JPH2: variants seen among roughly 807,000 people sequenced by gnomAD.
The protein encoded by JPH2 is junctophilin-2.
In JPH2, 38 loss-of-function variants were observed where a neutral mutation model predicts 55.9. That is an observed-to-expected ratio of 0.68 (90% CI 0.52 to 0.89). The LOEUF is 0.89. Among genes scored for constraint, JPH2 ranks in the 40% least tolerant of loss-of-function variants. JPH2 has a pLI of 0.00. For missense variants in JPH2, 964 were observed against 1,037.6 expected (o/e 0.93, Z 0.97); for synonymous variants, 480 against 472.4 (o/e 1.02, Z -0.21).
At chr20:44,177,177 A>G (rs1331120101) in intron 1 of JPH2, 5 of 985,458 alleles carry the variant, frequency 5.1e-6, no homozygotes, top group Non-Finnish European at 6.0e-6. Context: ...CTGTGGCTTC[A>G]GCTCGGGAAG....
chr20:44,114,609 T>TGTGC (rs1491581575), intron 5 of JPH2, among the ~76,000 whole-genome samples, 173 bp downstream of exon 5: 102 of 144,166 alleles, frequency 7.1e-4, no homozygotes, highest in Non-Finnish European at 1.3e-3. Flanking sequence ...TGTGTGTGTG[T>TGTGC]GCGCTGGTAT....
chr20:44,168,371 AAT>A (rs1158859760), intron 1 of JPH2, among the ~76,000 whole-genome samples: 2 of 141,448 alleles, frequency 1.4e-5, no homozygotes, highest in Non-Finnish European at 3.3e-5. Flanking sequence ...ACACAAAAAA[AAT>A]ATTGTGGATA....
In JPH2 at chr20:44,160,320, C is replaced by T. The variant is rs1332354579; in HGVS notation, c.467G>A (p.Arg156His). Reference sequence around the variant, plus strand: ...CGACAGCGACGTGCGCAGCGGCGAGCGCACCACCACGGCCATCCCGTAGGG... The same window carrying T: ...CGACAGCGACGTGCGCAGCGGCGAGTGCACCACCACGGCCATCCCGTAGGG... ...SVPYGMAVVV[R>H]SPLRTSLSSL... The change falls in exon 2 of 6, where the codon CGC (arginine) becomes CAC (histidine). Residue 156 changes from arginine to histidine, a missense_variant. Physicochemically the swap from Arg to His is conservative, Grantham distance 29. Coordinates refer to ENST00000372980, the MANE Select transcript of JPH2 (RefSeq NM_020433.5). The surrounding 1 kb of genome is among the most constrained non-coding windows in gnomAD (Gnocchi z 4.9). 2 of 1,564,678 alleles carry T rather than the reference C, an allele frequency of 1.3e-6. No individual in the cohort carries two copies. The highest frequency in any genetic ancestry group is 1.8e-5 in the Admixed American group (1 of 54,080).
chr20:44,186,746 G>T lies in JPH2; in HGVS notation c.-41C>A, dbSNP rs1166243840. The T allele has an allele frequency of 6.0e-5, 96 of 1,590,104 alleles. No homozygotes were observed. The highest frequency in any genetic ancestry group is 8.2e-5 in the Non-Finnish European group (96 of 1,173,120). On this transcript the variant is annotated 5_prime_UTR_variant, in exon 1 of 6. Transcript: ENST00000372980. ...GACAACCTCCCCGTCCTCCAGCGTG[G>T]GTGCAGAGGGCGTGGGTGATGCCTG...
At chr20:44,147,156 G>A (rs2072498883) in intron 2 of JPH2, among the ~76,000 whole-genome samples, 1 of 152,170 alleles carries the variant, frequency 6.6e-6, no homozygotes. Context: ...TAAATGTCAG[G>A]AGTCAGTCCC....
chr20:44,114,925 AC>A (rs775747130), intron 4 of JPH2, 49 bp from the exon 5 acceptor site: 38 of 1,426,616 alleles, frequency 2.7e-5, no homozygotes, highest in Middle Eastern at 1.7e-4. Flanking sequence ...CCTCGGAGAC[AC>A]CCCCCACCCA....
At position 44,186,402 on chromosome 20, in the gene JPH2, T is replaced by G; in HGVS notation, c.304A>C (p.Ser102Arg). ...CAGGTGCCCTCATACTTGGCACCGCTGCTTGAGCTCTGCCGGATTCCGTAG... is the reference window on the plus strand; with the variant it reads ...CAGGTGCCCTCATACTTGGCACCGCGGCTTGAGCTCTGCCGGATTCCGTAG... ...GRYGIRQSSS[S>R]GAKYEGTWNN... Residue 102 changes from serine (S) to arginine (R), a missense_variant, in exon 1 of 6, where the codon AGC becomes CGC. By Grantham distance (110) the Ser-to-Arg change is moderately radical. Transcript: ENST00000372980. The G allele has an allele frequency of 6.2e-7, 1 of 1,613,894 alleles. No homozygotes were observed. The highest frequency in any genetic ancestry group is 2.2e-5 in the East Asian group (1 of 44,850).
chr20:44,178,979 T>A (rs953324169), intron 1 of JPH2, among the ~76,000 whole-genome samples: 2 of 152,168 alleles, frequency 1.3e-5, no homozygotes, highest in Non-Finnish European at 2.9e-5. Context: ...TCAGAGTCAA[T>A]TGGACTAAAA....
intron 2 of JPH2, among the ~76,000 whole-genome samples, chr20:44,145,602 T>G (rs2072489042): frequency 7.4e-6 from 1 of 134,320 alleles, no homozygotes; most frequent in Non-Finnish European, 1.6e-5. Flanking sequence ...AAACTCGATC[T>G]CAAAAAAAAA....
chr20:44,171,057 C>T (rs1302582453), intron 1 of JPH2, among the ~76,000 whole-genome samples: 1 of 152,194 alleles, frequency 6.6e-6, no homozygotes, highest in African/African-American at 2.4e-5. Flanking sequence ...AGATGCAACT[C>T]TCAGCAGGTT....
At position 44,160,886 on chromosome 20, in the gene JPH2, C is replaced by A. The variant is rs2072605618; in HGVS notation, c.380-479G>T. 6.6e-6 allele frequency among the ~76,000 whole-genome samples: 1 copy of A among 152,132 alleles called. No homozygotes were observed. Among genetic ancestry groups the A allele is most frequent in the African/African-American group, 2.4e-5 (1 of 41,428 alleles). On this transcript the variant is annotated intron_variant, in intron 1 of 5. Coordinates refer to ENST00000372980, the MANE Select transcript of JPH2 (RefSeq NM_020433.5). This position sits in a 1 kb window ranked among gnomAD's most constrained non-coding sequence, Gnocchi z 4.9. ...ATCGCTTGAGCTCAGGAGTTCAAGA[C>A]CAACCTGGGCAACATGGTGAAACCT...
intron 2 of JPH2, among the ~76,000 whole-genome samples, chr20:44,144,336 G>A (rs947782500): frequency 1.3e-5 from 2 of 152,106 alleles, no homozygotes; most frequent in African/African-American, 4.8e-5. Context: ...TGATGAAACT[G>A]CCCACGGTCC....
At chr20:44,178,123 T>C in intron 1 of JPH2, 1 of 704,472 alleles carries the variant, frequency 1.4e-6, no homozygotes, top group Non-Finnish European at 2.6e-6. Context: ...TTTAGTAATA[T>C]CAGATTCTCT....
At chr20:44,139,950 C>A (rs2072443437) in intron 2 of JPH2, among the ~76,000 whole-genome samples, 1 of 152,126 alleles carries the variant, frequency 6.6e-6, no homozygotes. Flanking sequence ...TGGCTCACTG[C>A]AACCTCTGCC....
At chr20:44,120,437 T>G (rs1427700348) in intron 2 of JPH2, among the ~76,000 whole-genome samples, 1 of 152,202 alleles carries the variant, frequency 6.6e-6, no homozygotes, top group Non-Finnish European at 1.5e-5. Context: ...AATTTCCTAA[T>G]GGGCCAGGCA....
At chr20:44,129,313 G>C (rs565489798) in intron 2 of JPH2, among the ~76,000 whole-genome samples, 1 of 152,256 alleles carries the variant, frequency 6.6e-6, no homozygotes, top group Admixed American at 6.5e-5. Flanking sequence ...CCAGCACTTT[G>C]GGAGGCAGAG....
chr20:44,171,623 G>A (rs1436520192), intron 1 of JPH2, among the ~76,000 whole-genome samples: 1 of 152,064 alleles, frequency 6.6e-6, no homozygotes, highest in East Asian at 1.9e-4. Context: ...AGCATGCTCA[G>A]GTCCCACCTC....
intron 1 of JPH2, among the ~76,000 whole-genome samples, chr20:44,180,141 C>T (rs1467440697): frequency 1.3e-5 from 2 of 152,150 alleles, no homozygotes; most frequent in East Asian, 3.9e-4. Flanking sequence ...TTGCTTGAAT[C>T]CAGGAGGCAG....
At chr20:44,124,133 T>A (rs550502487) in intron 2 of JPH2, among the ~76,000 whole-genome samples, 1 of 152,158 alleles carries the variant, frequency 6.6e-6, no homozygotes, top group Non-Finnish European at 1.5e-5. Context: ...AAAATAAGGC[T>A]GGTGTTTCTG....
Sources: allele counts gnomAD v4.1 joint callset (sites outside exome capture counted in the v4.1 genomes callset), GRCh38; gene constraint gnomAD v4.1.1; non-coding constraint Gnocchi (gnomAD v3.1); transcripts MANE v1.5; gene names NCBI Gene and HGNC (gene_info 2026-07-23, HGNC 2026-07-21).